Variants in FBXO5 observed in about 807,000 individuals in gnomAD.
FBXO5 encodes the protein F-box protein 5.
A neutral mutation model predicts 43.3 loss-of-function variants in FBXO5; 8 were observed. That is an observed-to-expected ratio of 0.18 (90% CI 0.11 to 0.33). The LOEUF (loss-of-function observed/expected upper bound fraction) is 0.33, where lower values mean the gene tolerates loss of function less well. Among genes scored for constraint, FBXO5 ranks in the 10% least tolerant of loss-of-function variants. The pLI is 1.00. For missense variants in FBXO5, 491 were observed against 535.7 expected (o/e 0.92, Z 0.82); for synonymous variants, 204 against 193.7 (o/e 1.05, Z -0.44).
chr6:152,972,214 TA>T, intron 4 of FBXO5, 57 bp downstream of exon 4: 1 of 1,334,594 alleles, frequency 7.5e-7, no homozygotes, highest in Non-Finnish European at 1.0e-6. Flanking sequence ...AAAGTTCTTT[TA>T]CATTTCTTAC....
chr6:152,980,995 T>C (rs1420577256), intron 1 of FBXO5, among the ~76,000 whole-genome samples: 4 of 152,224 alleles, frequency 2.6e-5, no homozygotes, highest in African/African-American at 7.2e-5. Context: ...ATTCCTTACA[T>C]TGACAATCAT....
Position 152,970,704 on chromosome 6 carries a change from GAAA to G in FBXO5, c.*456_*458del, listed in dbSNP as rs1778072765. ...TACTTTCTTGGGAAATACACACAAT[GAAA>G]AAAAGCTTTAGAAAGGTGACAACAC... On this transcript the variant is annotated 3_prime_UTR_variant, in exon 5 of 5. Transcript: ENST00000229758. 1 of 152,264 alleles carries G rather than the reference GAAA, an allele frequency of 6.6e-6. No homozygotes were observed. Among genetic ancestry groups the G allele is most frequent in the African/African-American group, 2.4e-5 (1 of 41,388 alleles). 9.4% of individuals were successfully genotyped at this position (152,264 alleles called of 1,614,324 possible).
rs1778141859 is a variant in FBXO5 at position 152,974,963 on chromosome 6, T to C, written c.762A>G (p.Gly254=). The change falls in exon 2 of 5, where the codon GGA becomes GGG. Residue 254 remains glycine (G), a synonymous_variant. Coordinates refer to ENST00000229758, the MANE Select transcript of FBXO5 (RefSeq NM_012177.5). ...VDILSELFRR[G]LRHVLATILA... ...AAATAGTTGCTAAGACATGTCTGAG[T>C]CCCCTTCGAAAGAGTTCGCTGAGAA... is the stretch of plus-strand genomic sequence containing the variant. The C allele has an allele frequency of 6.2e-7, 1 of 1,612,868 alleles. No homozygotes were observed. Among genetic ancestry groups the C allele is most frequent in the African/African-American group, 1.3e-5 (1 of 74,780 alleles).
chr6:152,979,102 T>C (rs553004638), intron 1 of FBXO5, among the ~76,000 whole-genome samples: 4 of 152,332 alleles, frequency 2.6e-5, no homozygotes, highest in African/African-American at 7.2e-5. Context: ...TGTACACCCA[T>C]TGCTTAACTT....
intron 1 of FBXO5, among the ~76,000 whole-genome samples, chr6:152,978,377 T>TTTTG (rs1491205604): frequency 4.7e-5 from 1 of 21,110 alleles, no homozygotes; most frequent in Non-Finnish European, 7.7e-5. Context: ...CTTCATTTTT[T>TTTTG]GGGGGGGGGG....
At chr6:152,971,571 T>C (rs1359931438) in intron 4 of FBXO5, among the ~76,000 whole-genome samples, 157 bp from the exon 5 acceptor site, 1 of 151,998 alleles carries the variant, frequency 6.6e-6, no homozygotes, top group Non-Finnish European at 1.5e-5. Flanking sequence ...GCCCTTTATC[T>C]ATGCATTATC....
intron 4 of FBXO5, 96 bp from the exon 5 acceptor site, chr6:152,971,510 C>G (rs961687466): frequency 3.0e-5 from 38 of 1,256,048 alleles, no homozygotes; most frequent in African/African-American, 4.5e-5. Context: ...TTCCCCAATT[C>G]ATGTATGAAA....
chr6:152,972,316 C>T lies in FBXO5; in HGVS notation c.1048G>A (p.Asp350Asn). ...CGACTATAAGTAGAACCTTTCTGAT[C>T]ACCTTGATTGGATAACTTGGTTTGA... ...DAQTKLSNQG[D>N]QKGSTYSRHN... Residue 350 changes from aspartate to asparagine, a missense_variant, in exon 4 of 5, where the codon GAT becomes AAT. Physicochemically the swap from Asp to Asn is conservative, Grantham distance 23. Coordinates refer to ENST00000229758, the MANE Select transcript of FBXO5 (RefSeq NM_012177.5). 1 of 1,612,518 alleles carries T rather than the reference C, an allele frequency of 6.2e-7. No homozygotes were observed. Among genetic ancestry groups the T allele is most frequent in the Non-Finnish European group, 8.5e-7 (1 of 1,179,054 alleles).
rs1234180495 is a variant in FBXO5 at position 152,978,376 on chromosome 6, T to TGGGGGG, written c.104-2756_104-2755insCCCCCC. On this transcript the variant is annotated intron_variant, in intron 1 of 4. Coordinates refer to ENST00000229758, the MANE Select transcript of FBXO5 (RefSeq NM_012177.5). ...CATTAATCATGGAGAGCTTCATTTT[T>TGGGGGG]TGGGGGGGGGGGGGGGGCGGGGGAC... Among the ~76,000 whole-genome samples, 21 of 5,708 alleles carry TGGGGGG rather than the reference T, an allele frequency of 3.7e-3. 8 individuals carry two copies. Among genetic ancestry groups the TGGGGGG allele is most frequent in the South Asian group, 0.038 (2 of 52 alleles). The allele number at this position is 5,708 out of a possible 152,430, so 3.7% of individuals were successfully genotyped here.
At chr6:152,975,674 C>G in intron 1 of FBXO5, 53 bp from the exon 2 acceptor site, 3 of 1,163,050 alleles carry the variant, frequency 2.6e-6, no homozygotes, top group Non-Finnish European at 3.6e-6. Context: ...CCACACATCC[C>G]TACTTCTTAA....
Position 152,982,209 on chromosome 6 carries a change from A to G in FBXO5, c.103+648T>C, listed in dbSNP as rs58705547. Among the ~76,000 whole-genome samples, 1,389 of 152,138 alleles carry G rather than the reference A, an allele frequency of 9.1e-3. 22 individuals carry two copies. The highest frequency in any genetic ancestry group is 0.032 in the African/African-American group (1,323 of 41,508). The stretch of plus-strand genomic sequence containing the variant: ...CAATGAGTTGGGGGGGTGTCTCTCC[A>G]TTTGGCGGGAGTGGGGAGGGAGACC... On this transcript the variant is annotated intron_variant, in intron 1 of 4. Transcript: ENST00000229758.
chr6:152,972,177 C>T lies in FBXO5; in HGVS notation c.1092+95G>A, dbSNP rs550342019. 38 of 793,790 alleles carry T rather than the reference C, an allele frequency of 4.8e-5. No homozygotes were observed. In the South Asian group the frequency reaches 8.5e-4, roughly 18 times the overall value. 49.2% of individuals were successfully genotyped at this position (793,790 alleles called of 1,614,324 possible). On this transcript the variant is annotated intron_variant, in intron 4 of 4. Transcript: ENST00000229758. ...TGTCAGAGAATAAATTAGTTATTAT[C>T]TAGAGCAAAGTTACATTTTGACCTT...
intron 1 of FBXO5, among the ~76,000 whole-genome samples, chr6:152,978,888 G>A (rs995951141): frequency 6.6e-6 from 1 of 152,050 alleles, no homozygotes; most frequent in African/African-American, 2.4e-5. Context: ...CTACTAGGGA[G>A]GCTGAGGCGG....
At position 152,974,951 on chromosome 6, in the gene FBXO5, G is replaced by C; in HGVS notation, c.774C>G (p.Val258=). The change falls in exon 2 of 5, where the codon GTC becomes GTG. Residue 258 remains valine, a synonymous_variant. Transcript: ENST00000229758. The part of the protein sequence containing the change: ...SELFRRGLRH[V]LATILAQLSD... ...TGAGTTGTGCTAAAATAGTTGCTAA[G>C]ACATGTCTGAGTCCCCTTCGAAAGA... The C allele has an allele frequency of 6.2e-7, 1 of 1,610,694 alleles. No homozygotes were observed. Among genetic ancestry groups the C allele is most frequent in the Non-Finnish European group, 8.5e-7 (1 of 1,179,020 alleles).
intron 3 of FBXO5, 58 bp from the exon 4 acceptor site, chr6:152,972,512 G>C: frequency 8.3e-7 from 1 of 1,207,168 alleles, no homozygotes. Flanking sequence ...TCCTCAATGA[G>C]ACATTTTTAT....
At position 152,979,194 on chromosome 6, in the gene FBXO5, T is replaced by A. The variant is rs79221954; in HGVS notation, c.104-3573A>T. On this transcript the variant is annotated intron_variant, in intron 1 of 4. Coordinates refer to ENST00000229758, the MANE Select transcript of FBXO5 (RefSeq NM_012177.5). ...ACTAAAATCCCTATTTTATGTGGAC[T>A]GCTGTAGTTTCTACCTAAAATCTTT... 9.5e-3 allele frequency among the ~76,000 whole-genome samples: 1,454 copies of A among 152,312 alleles called. 26 individuals carry two copies. The highest frequency in any genetic ancestry group is 0.033 in the African/African-American group (1,386 of 41,564).
rs1584084501 is a variant in FBXO5, at chr6:152,982,842, G to C, written c.103+15C>G. 6.7e-7 allele frequency: 1 copy of C among 1,484,240 alleles called. No homozygotes were observed. The highest frequency in any genetic ancestry group is 8.9e-7 in the Non-Finnish European group (1 of 1,121,202). The allele number at this position is 1,484,240 out of a possible 1,614,324, so 91.9% of individuals were successfully genotyped here. ...TGGCGTGCGCGCCCCCCTCGCGACC[G>C]CTCCCCTCACTCACTATCCGAGGGT... On this transcript the variant is annotated intron_variant, in intron 1 of 4. Coordinates refer to ENST00000229758, the MANE Select transcript of FBXO5 (RefSeq NM_012177.5).
At chr6:152,983,294 C>A, upstream of FBXO5, 1 of 253,256 alleles carries the variant, frequency 3.9e-6, no homozygotes, top group Non-Finnish European at 7.5e-6. Context: ...CACGGGGAGG[C>A]CGCGGCCCGG....
At chr6:152,981,389 G>A (rs1385213997) in intron 1 of FBXO5, among the ~76,000 whole-genome samples, 1 of 152,182 alleles carries the variant, frequency 6.6e-6, no homozygotes, top group Non-Finnish European at 1.5e-5. Context: ...AAATAATTAA[G>A]TTCCAGTCTC....
Sources: allele counts gnomAD v4.1 joint callset (sites outside exome capture counted in the v4.1 genomes callset), GRCh38; gene constraint gnomAD v4.1.1; transcripts MANE v1.5; gene names NCBI Gene and HGNC (gene_info 2026-07-23, HGNC 2026-07-21).